The following TCF4 variants were observed in gnomAD, a reference collection of about 807,000 sequenced individuals.
The protein encoded by TCF4 is SL3-3 enhancer factor 2.
A neutral mutation model predicts 82.1 loss-of-function variants in TCF4; 3 were observed. The ratio of observed to expected loss-of-function variants is 0.04; its 90% CI spans 0.02 to 0.09. The LOEUF is 0.09. TCF4 is among the 10% of genes least tolerant of loss of function. The probability of loss-of-function intolerance (pLI) is 1.00; values close to 1 mark genes in which losing one functional copy is unlikely to be tolerated. For synonymous variants in TCF4, 276 were observed against 309.6 expected (o/e 0.89, Z 1.14); for missense variants, 518 against 852.7 (o/e 0.61, Z 4.89).
At chr18:55,453,794 A>G (rs1430490013) in intron 5 of TCF4, among the ~76,000 whole-genome samples, 1 of 150,372 alleles carries the variant, frequency 6.7e-6, no homozygotes, top group East Asian at 1.9e-4. Context: ...CTTTCAAATT[A>G]TTTATAATAA....
chr18:55,366,285 C>T (rs1264918209), intron 6 of TCF4, among the ~76,000 whole-genome samples: 2 of 152,118 alleles, frequency 1.3e-5, no homozygotes, highest in African/African-American at 4.8e-5. Context: ...GTGACAAAAC[C>T]TGAACTAATG....
intron 3 of TCF4, among the ~76,000 whole-genome samples, chr18:55,564,292 G>T (rs1255088599): frequency 6.6e-6 from 1 of 152,218 alleles, no homozygotes; most frequent in East Asian, 1.9e-4. Flanking sequence ...ATATTAAGGA[G>T]AACAGAAGTT....
chr18:55,468,658 A>G (rs913580672), intron 3 of TCF4, among the ~76,000 whole-genome samples: 2 of 152,234 alleles, frequency 1.3e-5, no homozygotes, highest in Non-Finnish European at 2.9e-5. Context: ...CACAAATAAC[A>G]TCTTGTGTGG....
At chr18:55,505,055 T>C (rs2096738819) in intron 3 of TCF4, among the ~76,000 whole-genome samples, 1 of 152,188 alleles carries the variant, frequency 6.6e-6, no homozygotes, top group Non-Finnish European at 1.5e-5. Context: ...ACAGTTAGGA[T>C]ACATTTTGGG....
At chr18:55,297,979 A>G (rs374951993) in intron 8 of TCF4, among the ~76,000 whole-genome samples, 5 of 152,336 alleles carry the variant, frequency 3.3e-5, no homozygotes, top group Admixed American at 2.0e-4. Flanking sequence ...TCTTGAATGT[A>G]GTAATATTTT....
intron 8 of TCF4, among the ~76,000 whole-genome samples, chr18:55,310,489 C>T (rs1342596861): frequency 1.3e-5 from 2 of 152,186 alleles, no homozygotes; most frequent in Non-Finnish European, 2.9e-5. Context: ...ATGTAAGACT[C>T]AGCCACCAGA....
At position 55,533,697 on chromosome 18, in the gene TCF4, A is replaced by C. The variant is rs74918778; in HGVS notation, c.145+51583T>G. ...AATGTCTAGCCTCCTTCCAATACAC[A>C]AAAACAGTACAACACAAGTTTCTTA... On this transcript the variant is annotated intron_variant, in intron 3 of 19. Transcript: ENST00000354452. 1.5e-4 allele frequency among the ~76,000 whole-genome samples: 23 copies of C among 152,338 alleles called. No homozygotes were observed. The East Asian group carries it at 3.7e-3, about 24-fold the overall frequency.
intron 6 of TCF4, among the ~76,000 whole-genome samples, chr18:55,365,761 G>A (rs2086857544): frequency 6.6e-6 from 1 of 151,916 alleles, no homozygotes; most frequent in South Asian, 2.1e-4. Flanking sequence ...AATTAATGAT[G>A]CACGCCTGTT....
chr18:55,355,300 C>A (rs2083229082), intron 6 of TCF4, among the ~76,000 whole-genome samples: 1 of 152,010 alleles, frequency 6.6e-6, no homozygotes, highest in Non-Finnish European at 1.5e-5. Context: ...TTTAAAATAC[C>A]TTTTATCACA....
At chr18:55,362,918 C>T (rs947887881) in intron 6 of TCF4, among the ~76,000 whole-genome samples, 1 of 152,158 alleles carries the variant, frequency 6.6e-6, no homozygotes, top group African/African-American at 2.4e-5. Flanking sequence ...ATAAACACTT[C>T]TAAAAGACCG....
chr18:55,319,506 C>A (rs1322071725), intron 8 of TCF4, among the ~76,000 whole-genome samples: 1 of 152,096 alleles, frequency 6.6e-6, no homozygotes, highest in East Asian at 1.9e-4. Context: ...TGCTGGTGTT[C>A]CAAATGGCTA....
intron 3 of TCF4, among the ~76,000 whole-genome samples, chr18:55,578,504 TG>T (rs2097548781): frequency 6.6e-6 from 1 of 152,118 alleles, no homozygotes; most frequent in South Asian, 2.1e-4. Context: ...ATTATTTACT[TG>T]AAAAACAATA....
chr18:55,622,291 G>A lies in TCF4; in HGVS notation c.286+9007C>T, dbSNP rs189690566. The stretch of plus-strand genomic sequence containing the variant: ...TGGGAGGCCAAGGTGGGCAGATCAC[G>A]AGGTCAGGAGATCGAGACCATCCTG... On this transcript the variant is annotated intron_variant, in intron 2 of 20. Coordinates refer to the TCF4 transcript ENST00000398339. 9.4e-4 allele frequency among the ~76,000 whole-genome samples: 142 copies of A among 150,496 alleles called. 1 individual carries two copies. Among genetic ancestry groups the A allele is most frequent in the African/African-American group, 2.7e-3 (112 of 41,104 alleles).
chr18:55,274,418 T>C (rs1337445129), intron 10 of TCF4, among the ~76,000 whole-genome samples: 3 of 152,176 alleles, frequency 2.0e-5, no homozygotes, highest in Admixed American at 2.0e-4. Context: ...CTACTTAGCA[T>C]CTCTACCACT....
intron 6 of TCF4, among the ~76,000 whole-genome samples, chr18:55,368,753 T>G (rs886633721): frequency 2.0e-5 from 3 of 152,216 alleles, no homozygotes; most frequent in African/African-American, 7.2e-5. Flanking sequence ...AGAGGGAGAC[T>G]GGCCATGTTG....
intron 11 of TCF4, chr18:55,269,601 A>G (rs1465391841): frequency 1.8e-6 from 1 of 569,096 alleles, no homozygotes; most frequent in African/African-American, 1.9e-5. Context: ...GTTCAATCTA[A>G]TGACTTGCAA....
upstream of TCF4, among the ~76,000 whole-genome samples, chr18:55,590,374 G>C (rs1021397070): frequency 1.3e-5 from 2 of 152,214 alleles, no homozygotes; most frequent in Admixed American, 6.5e-5. Flanking sequence ...ATAGAGCGCT[G>C]GAAGTGTGTG....
rs144639737 is a variant in TCF4 at position 55,248,203 on chromosome 18, G to A, written c.1350+6294C>T. On this transcript the variant is annotated intron_variant, in intron 15 of 19. Coordinates refer to ENST00000354452, the MANE Select transcript of TCF4 (RefSeq NM_001083962.2). ...AGTTGAGGTTACTAATCTGCTCTCCGAAATACCTGATAGTTGTGGAGATTA... is the reference window on the plus strand; with the variant it reads ...AGTTGAGGTTACTAATCTGCTCTCCAAAATACCTGATAGTTGTGGAGATTA... Among the ~76,000 whole-genome samples, 11 of 152,294 alleles carry A rather than the reference G, an allele frequency of 7.2e-5. 1 individual carries two copies. Among genetic ancestry groups the A allele is most frequent in the South Asian group, 2.1e-4 (1 of 4,822 alleles).
chr18:55,498,114 C>T (rs1010711809), intron 3 of TCF4, among the ~76,000 whole-genome samples: 2 of 152,202 alleles, frequency 1.3e-5, no homozygotes, highest in African/African-American at 4.8e-5. Flanking sequence ...TACAAGGAGG[C>T]TCTTTATCAA....
Sources: gnomAD v4.1 joint callset for allele counts (sites outside exome capture counted in the v4.1 genomes callset) on GRCh38, gnomAD v4.1.1 for gene constraint, MANE v1.5 for transcripts, NCBI Gene and HGNC (gene_info 2026-07-23, HGNC 2026-07-21) for gene names.